The following GRID2 variants were observed in gnomAD, a reference collection of about 807,000 sequenced individuals.
The protein encoded by GRID2 is glutamate ionotropic receptor delta type subunit 2, also known as glutamate receptor ionotropic, delta-2.
GRID2 carries 33 observed loss-of-function variants against 114.8 expected under a neutral mutation model. The observed-to-expected ratio is 0.29, with a 90% CI of 0.22 to 0.38. The LOEUF is 0.38. Among genes scored for constraint, GRID2 ranks in the 10% least tolerant of loss-of-function variants. GRID2 has a pLI of 1.00. For missense variants in GRID2, 1,184 were observed against 1,257.7 expected, an observed-to-expected ratio of 0.94 and a Z score of 0.89; for synonymous variants, 505 against 449.9, an observed-to-expected ratio of 1.12 and a Z score of -1.55.
intron 2 of GRID2, among the ~76,000 whole-genome samples, chr4:92,970,432 T>G (rs1044746437): frequency 6.6e-6 from 1 of 151,980 alleles, no homozygotes; most frequent in African/African-American, 2.4e-5. Flanking sequence ...CTGCAATTAC[T>G]TTTGCGTCAA....
chr4:92,760,394 T>C (rs1560576657), intron 2 of GRID2, among the ~76,000 whole-genome samples: 1 of 152,096 alleles, frequency 6.6e-6, no homozygotes, highest in Non-Finnish European at 1.5e-5. Flanking sequence ...TCGATCCTTT[T>C]GGGGAAATGC....
intron 1 of GRID2, among the ~76,000 whole-genome samples, chr4:92,535,288 CAAAGT>C (rs1340473922): frequency 6.6e-6 from 1 of 152,066 alleles, no homozygotes; most frequent in African/African-American, 2.4e-5. Context: ...TGTTAGAATT[CAAAGT>C]AAAGCACTCA....
At chr4:93,007,063 G>T (rs553761510) in intron 2 of GRID2, among the ~76,000 whole-genome samples, 1 of 151,878 alleles carries the variant, frequency 6.6e-6, no homozygotes, top group East Asian at 1.9e-4. Context: ...AATCTAAAAA[G>T]GTCAGAAAAG....
At chr4:93,017,077 A>G (rs552124100) in intron 2 of GRID2, among the ~76,000 whole-genome samples, 46 of 152,196 alleles carry the variant, frequency 3.0e-4, no homozygotes, top group Non-Finnish European at 5.7e-4. Flanking sequence ...AGTCTTGTCA[A>G]TAATTCTTTA....
intron 1 of GRID2, among the ~76,000 whole-genome samples, chr4:92,321,584 G>T (rs1162882219): frequency 6.6e-6 from 1 of 152,092 alleles, no homozygotes; most frequent in Non-Finnish European, 1.5e-5. Flanking sequence ...CTCTTAATAA[G>T]TCGGTCCATT....
intron 1 of GRID2, among the ~76,000 whole-genome samples, chr4:92,418,684 A>T (rs1032338618): frequency 6.6e-6 from 1 of 152,096 alleles, no homozygotes; most frequent in African/African-American, 2.4e-5. Flanking sequence ...TAGCTTAATT[A>T]AATGATAATG....
At chr4:92,397,342 ATGTGTGTGTG>A (rs58085283) in intron 1 of GRID2, among the ~76,000 whole-genome samples, 2,187 of 142,756 alleles carry the variant, frequency 0.015, 43 homozygotes, top group East Asian at 0.09. Context: ...GTGTGTTTGT[ATGTGTGTGTG>A]TGTGTGTGTG....
intron 1 of GRID2, among the ~76,000 whole-genome samples, chr4:92,431,287 C>A (rs1006848251): frequency 2.0e-5 from 3 of 152,072 alleles, no homozygotes; most frequent in Admixed American, 6.6e-5. Context: ...TATCTATCCC[C>A]AGTTTTTTGA....
chr4:92,928,045 A>G (rs1749956669), intron 2 of GRID2, among the ~76,000 whole-genome samples: 1 of 151,712 alleles, frequency 6.6e-6, no homozygotes, highest in African/African-American at 2.4e-5. Flanking sequence ...CTGTATAAGC[A>G]TCTTTGAAAA....
chr4:93,727,274 A>G (rs1168145319), intron 14 of GRID2, among the ~76,000 whole-genome samples: 10 of 152,144 alleles, frequency 6.6e-5, no homozygotes, highest in Non-Finnish European at 1.5e-4. Context: ...TTCTGTTTAT[A>G]TGCTGGATTA....
At chr4:92,604,475 G>A (rs1729362213) in intron 2 of GRID2, among the ~76,000 whole-genome samples, 1 of 152,014 alleles carries the variant, frequency 6.6e-6, no homozygotes, top group South Asian at 2.1e-4. Context: ...ACTTATAAGT[G>A]GGAGCTGAAC....
intron 14 of GRID2, among the ~76,000 whole-genome samples, chr4:93,761,085 A>G (rs896613260): frequency 2.0e-5 from 3 of 152,218 alleles, no homozygotes; most frequent in Non-Finnish European, 4.4e-5. Flanking sequence ...TTGTTCATAT[A>G]CAGTGCATAT....
chr4:93,769,507 G>A (rs926549486), intron 15 of GRID2, 57 bp downstream of exon 15: 3 of 1,571,026 alleles, frequency 1.9e-6, no homozygotes, highest in African/African-American at 2.7e-5. Context: ...TGTATTTCCA[G>A]GGAGGACCAT....
Position 92,849,639 on chromosome 4 carries a change from T to C in GRID2, c.245-235356T>C, listed in dbSNP as rs149895489. Among the ~76,000 whole-genome samples, 902 of 152,042 alleles carry C rather than the reference T, an allele frequency of 5.9e-3. 16 individuals carry two copies. Among genetic ancestry groups the C allele is most frequent in the African/African-American group, 0.021 (856 of 41,534 alleles). On this transcript the variant is annotated intron_variant, in intron 2 of 15. Coordinates refer to ENST00000282020, the MANE Select transcript of GRID2 (RefSeq NM_001510.4). The stretch of plus-strand genomic sequence containing the variant: ...ACTCCATTTTTCAACTTATAACATC[T>C]TTTCTTTTAGCTTATTAAGCAATCT...
At chr4:93,482,554 G>A (rs1725978869) in intron 11 of GRID2, among the ~76,000 whole-genome samples, 1 of 151,912 alleles carries the variant, frequency 6.6e-6, no homozygotes, top group Non-Finnish European at 1.5e-5. Context: ...GGCAAGGGAA[G>A]GGAGAGCATT....
At chr4:92,356,015 T>TCATC (rs1262089540) in intron 1 of GRID2, among the ~76,000 whole-genome samples, 5 of 151,852 alleles carry the variant, frequency 3.3e-5, no homozygotes, top group Non-Finnish European at 7.4e-5. Flanking sequence ...GGCATTTCAT[T>TCATC]CATCCATTCA....
Position 93,055,979 on chromosome 4 carries a change from G to A in GRID2, c.245-29016G>A, listed in dbSNP as rs144178362. On this transcript the variant is annotated intron_variant, in intron 2 of 15. Transcript: ENST00000282020. ...TTTTGAATTCACACTCTTAGTTTAC[G>A]ACATGCTGCTTTTCTGAATTCTTTG... 4.9e-3 allele frequency among the ~76,000 whole-genome samples: 738 copies of A among 151,758 alleles called. 1 individual carries two copies. Among genetic ancestry groups the A allele is most frequent in the Non-Finnish European group, 7.3e-3 (492 of 67,848 alleles).
chr4:93,792,129 C>T (rs1042032285), intron 1 of GRID2, among the ~76,000 whole-genome samples: 3 of 152,092 alleles, frequency 2.0e-5, no homozygotes, highest in African/African-American at 7.2e-5. Context: ...ATATTATTTT[C>T]ATATATTCAT....
chr4:92,528,694 G>A (rs1725161191), intron 1 of GRID2, among the ~76,000 whole-genome samples: 1 of 151,886 alleles, frequency 6.6e-6, no homozygotes, highest in Admixed American at 6.6e-5. Flanking sequence ...CTGAAGAAGT[G>A]TGTGGTAAAA....
Sources: gnomAD v4.1 joint callset for allele counts (sites outside exome capture counted in the v4.1 genomes callset) on GRCh38, gnomAD v4.1.1 for gene constraint, MANE v1.5 for transcripts, NCBI Gene and HGNC (gene_info 2026-07-23, HGNC 2026-07-21) for gene names.